Variants in MYH13 observed in about 807,000 individuals in gnomAD.
MYH13 encodes the protein myosin-13.
A neutral mutation model predicts 232.1 loss-of-function variants in MYH13; 177 were observed. That is an observed-to-expected ratio of 0.76 (90% CI 0.67 to 0.86). The LOEUF is 0.86. Ranked by LOEUF, MYH13 falls within the 40% of genes least tolerant of loss-of-function variation. MYH13 has a pLI of 0.00. For missense variants in MYH13, 2,246 were observed against 2,405.9 expected, an observed-to-expected ratio of 0.93 and a Z score of 1.39; for synonymous variants, 884 against 923.5, an observed-to-expected ratio of 0.96 and a Z score of 0.78.
chr17:10,337,938 A>C (rs2071588502), intron 18 of MYH13, among the ~76,000 whole-genome samples: 1 of 152,182 alleles, frequency 6.6e-6, no homozygotes, highest in Non-Finnish European at 1.5e-5. Flanking sequence ...CTGTAGTCCC[A>C]GCTACTCAGG....
At chr17:10,303,353 G>A in intron 38 of MYH13, 41 bp downstream of exon 38, 1 of 1,611,366 alleles carries the variant, frequency 6.2e-7, no homozygotes, top group Non-Finnish European at 8.5e-7. Flanking sequence ...ATGGGGCTTG[G>A]TCCATACAGC....
At chr17:10,321,163 A>G (rs1452916298) in intron 24 of MYH13, among the ~76,000 whole-genome samples, 1 of 152,248 alleles carries the variant, frequency 6.6e-6, no homozygotes, top group Non-Finnish European at 1.5e-5. Context: ...TAACGTTACA[A>G]CAGGATTGGA....
At chr17:10,363,632 G>A (rs1400550258) in intron 3 of MYH13, among the ~76,000 whole-genome samples, 1 of 152,126 alleles carries the variant, frequency 6.6e-6, no homozygotes, top group African/African-American at 2.4e-5. Flanking sequence ...TGAGTCCCCC[G>A]TGTAGTGCTG....
intron 22 of MYH13, chr17:10,324,776 T>TTTTTTTTTTTTTG (rs991366537): frequency 7.6e-6 from 1 of 130,896 alleles, no homozygotes; most frequent in African/African-American, 2.6e-5. Flanking sequence ...TTTTTTTTTT[T>TTTTTTTTTTTTTG]TTTTAACTAG....
intron 1 of MYH13, among the ~76,000 whole-genome samples, chr17:10,371,767 C>T (rs2071879405): frequency 1.3e-5 from 2 of 152,020 alleles, no homozygotes; most frequent in Non-Finnish European, 2.9e-5. Context: ...GGGGCAGTCA[C>T]CTTTTTTTGG....
rs34889608 is a variant in MYH13, at chr17:10,306,220, A to ATGTGTGTG, written c.5466+231_5466+238dup. Among the ~76,000 whole-genome samples, 5,549 of 129,906 alleles carry ATGTGTGTG rather than the reference A, an allele frequency of 0.043. 158 individuals are homozygous for ATGTGTGTG. Among genetic ancestry groups the ATGTGTGTG allele is most frequent in the Middle Eastern group, 0.062 (16 of 258 alleles). 85.2% of individuals were successfully genotyped at this position (129,906 alleles called of 152,430 possible). A position where few individuals can be genotyped will look rare whatever the true frequency, so the allele number is the denominator to read the frequency against. On this transcript the variant is annotated intron_variant, in intron 37 of 40. Coordinates refer to ENST00000252172, the MANE Select transcript of MYH13 (RefSeq NM_003802.3). The surrounding 1 kb of genome is among the most constrained non-coding windows in gnomAD (Gnocchi z 4.3). ...CTGAGGTGTGAGCATACCAAAATAGATGTGTGTGTGTGTGTGTGTGTGTGT... is the reference window on the plus strand; with the variant it reads ...CTGAGGTGTGAGCATACCAAAATAGATGTGTGTGTGTGTGTGTGTGTGTGTGTGTGTGT...
intron 23 of MYH13, among the ~76,000 whole-genome samples, chr17:10,322,771 C>A (rs922452541): frequency 2.6e-5 from 4 of 151,724 alleles, no homozygotes; most frequent in African/African-American, 9.7e-5. Flanking sequence ...GTAGCTGGGA[C>A]TACAGGCGTC....
intron 12 of MYH13, among the ~76,000 whole-genome samples, chr17:10,350,009 G>C (rs2071696966): frequency 6.6e-6 from 1 of 152,174 alleles, no homozygotes; most frequent in Admixed American, 6.5e-5. Context: ...CTGCTGCCCT[G>C]TGCTCTAGTT....
At chr17:10,361,767 G>C (rs1357504840) in intron 5 of MYH13, among the ~76,000 whole-genome samples, 1 of 152,220 alleles carries the variant, frequency 6.6e-6, no homozygotes, top group Non-Finnish European at 1.5e-5. Context: ...CAGGAACACT[G>C]CTTTACCCAT....
chr17:10,308,352 A>G (rs2142218793), intron 35 of MYH13, among the ~76,000 whole-genome samples: 1 of 151,328 alleles, frequency 6.6e-6, no homozygotes, highest in Admixed American at 6.6e-5. Flanking sequence ...AAGATGTCAA[A>G]ATATGTTCAT....
chr17:10,315,836 G>A, intron 28 of MYH13, 25 bp from the exon 29 acceptor site: 2 of 1,613,870 alleles, frequency 1.2e-6, no homozygotes, highest in Non-Finnish European at 1.7e-6. Context: ...TGGCCCCCAC[G>A]TCAGTGTTAC....
At chr17:10,357,540 C>T (rs2071758276) in intron 8 of MYH13, among the ~76,000 whole-genome samples, 195 bp downstream of exon 8, 1 of 152,232 alleles carries the variant, frequency 6.6e-6, no homozygotes, top group South Asian at 2.1e-4. Flanking sequence ...ACGGCAAATC[C>T]TCCCTCTGCC....
Position 10,343,851 on chromosome 17 carries a change from A to T in MYH13, c.1843T>A (p.Ser615Thr). The change falls in exon 16 of 41, where the codon TCG becomes ACG. Residue 615 changes from serine to threonine, a missense_variant. Coordinates refer to ENST00000252172, the MANE Select transcript of MYH13 (RefSeq NM_003802.3). ...ETVVGLYQKS[S>T]LKLLSFLFSN... is the part of the protein sequence containing the mutation. Reference sequence around the variant, plus strand: ...AAAAGGAAGGAGAGAAGCTTCAGCGAAGACTTCTGGTACAGCCCCACCACA... The same window carrying T: ...AAAAGGAAGGAGAGAAGCTTCAGCGTAGACTTCTGGTACAGCCCCACCACA... The T allele has an allele frequency of 6.2e-7, 1 of 1,611,182 alleles. No individual in the cohort carries two copies. Among genetic ancestry groups the T allele is most frequent in the Non-Finnish European group, 8.5e-7 (1 of 1,178,166 alleles).
intron 20 of MYH13, 141 bp from the exon 21 acceptor site, chr17:10,330,664 C>G: frequency 8.2e-7 from 1 of 1,225,214 alleles, no homozygotes; most frequent in Non-Finnish European, 1.1e-6. Flanking sequence ...CCAGGACTTG[C>G]TTCTCGGTGG....
At chr17:10,345,991 CAAAA>C (rs1211414796) in intron 13 of MYH13, among the ~76,000 whole-genome samples, 1,010 of 83,048 alleles carry the variant, frequency 0.012, 3 homozygotes, top group Admixed American at 0.017. Flanking sequence ...GACTCTGTCT[CAAAA>C]AAAAAAAAAA....
At chr17:10,328,664 TTTCTTTTCTA>T (rs1158340032) in intron 21 of MYH13, among the ~76,000 whole-genome samples, 1 of 148,808 alleles carries the variant, frequency 6.7e-6, no homozygotes, top group Non-Finnish European at 1.5e-5. Flanking sequence ...TCCCAATTTC[TTTCTTTTCTA>T]TTCGTTTTTT....
At chr17:10,347,712 C>CTTTTTTTTTTTTTTTTTTTTTTTT (rs71139041) in intron 12 of MYH13, among the ~76,000 whole-genome samples, 1 of 86,724 alleles carries the variant, frequency 1.2e-5, no homozygotes. Context: ...GGGACTACTT[C>CTTTTTTTTTTTTTTTTTTTTTTTT]TTTTTTTTTT....
At position 10,309,488 on chromosome 17, in the gene MYH13, C is replaced by G. The variant is rs2277643; in HGVS notation, c.4965+34G>C. 2.5e-6 allele frequency: 4 copies of G among 1,600,892 alleles called. No homozygotes were observed. In the South Asian group the frequency reaches 3.4e-5, roughly 13 times the overall value. On this transcript the variant is annotated intron_variant, in intron 34 of 40. Coordinates refer to ENST00000252172, the MANE Select transcript of MYH13 (RefSeq NM_003802.3). ...CAGAGCCGCCTGGCAGGCTGGGGCC[C>G]GTCCAGGTACGCAGAGGCGGCCACC...
chr17:10,353,310 C>A (rs1225198731), intron 11 of MYH13, among the ~76,000 whole-genome samples: 2 of 152,098 alleles, frequency 1.3e-5, no homozygotes, highest in Non-Finnish European at 2.9e-5. Flanking sequence ...CACTATTAGA[C>A]CTAAGATAAC....
Sources: allele counts gnomAD v4.1 joint callset (sites outside exome capture counted in the v4.1 genomes callset), GRCh38; gene constraint gnomAD v4.1.1; non-coding constraint Gnocchi (gnomAD v3.1); transcripts MANE v1.5; gene names NCBI Gene and HGNC (gene_info 2026-07-23, HGNC 2026-07-21).